The following TRPM3 variants were observed in gnomAD, a reference collection of about 807,000 sequenced individuals.
TRPM3 encodes the protein long transient receptor potential channel 3.
A neutral mutation model predicts 181.2 loss-of-function variants in TRPM3; 77 were observed. The observed-to-expected ratio is 0.42, with a 90% confidence interval of 0.35 to 0.51. The LOEUF (loss-of-function observed/expected upper bound fraction) is 0.51, where lower values mean the gene tolerates loss of function less well. Among genes scored for constraint, TRPM3 ranks in the 20% least tolerant of loss-of-function variants. TRPM3 has a pLI of 0.01. For synonymous variants in TRPM3, 745 were observed against 796.4 expected (o/e 0.94, Z 1.09); for missense variants, 1,759 against 2,196.7 (o/e 0.80, Z 3.98).
At chr9:71,028,184 T>C (rs2056821021) in intron 1 of TRPM3, among the ~76,000 whole-genome samples, 1 of 152,184 alleles carries the variant, frequency 6.6e-6, no homozygotes, top group South Asian at 2.1e-4. Context: ...GAAAAGAAAT[T>C]CCAACCAAGA....
intron 9 of TRPM3, among the ~76,000 whole-genome samples, chr9:70,640,985 A>G (rs1589674478): frequency 6.6e-6 from 1 of 152,304 alleles, no homozygotes; most frequent in African/African-American, 2.4e-5. Context: ...ATGCATGCAT[A>G]CAAGTTCATT....
At chr9:70,655,118 C>T (rs1236786753) in intron 9 of TRPM3, among the ~76,000 whole-genome samples, 3 of 149,758 alleles carry the variant, frequency 2.0e-5, no homozygotes, top group African/African-American at 7.3e-5. Flanking sequence ...CCAGCCTGAC[C>T]AACATGGTGA....
intron 1 of TRPM3, among the ~76,000 whole-genome samples, chr9:71,154,516 A>C (rs1487574508): frequency 6.6e-6 from 1 of 152,106 alleles, no homozygotes; most frequent in Non-Finnish European, 1.5e-5. Context: ...CAGCAGGTCA[A>C]AATATATTTG....
intron 1 of TRPM3, among the ~76,000 whole-genome samples, chr9:70,882,854 T>A (rs1017118847): frequency 5.9e-5 from 9 of 152,168 alleles, no homozygotes; most frequent in Admixed American, 2.6e-4. Flanking sequence ...TTGCAGGTCA[T>A]GGCAACTATT....
intron 1 of TRPM3, among the ~76,000 whole-genome samples, chr9:71,339,835 A>G (rs2090830440): frequency 6.6e-6 from 1 of 152,114 alleles, no homozygotes; most frequent in African/African-American, 2.4e-5. Flanking sequence ...ATGACTATGC[A>G]TTTGATAAAA....
chr9:71,307,981 T>C (rs1488474544), intron 1 of TRPM3, among the ~76,000 whole-genome samples: 1 of 151,608 alleles, frequency 6.6e-6, no homozygotes, highest in Non-Finnish European at 1.5e-5. Flanking sequence ...TTTCTTTTTT[T>C]TTTTTTGAGA....
chr9:70,548,326 C>G (rs1028825657), intron 25 of TRPM3, among the ~76,000 whole-genome samples: 1 of 152,184 alleles, frequency 6.6e-6, no homozygotes, highest in Non-Finnish European at 1.5e-5. Flanking sequence ...CTGTGCATGG[C>G]TTTAAACTTT....
At chr9:70,640,922 C>CT (rs1192608914) in intron 9 of TRPM3, among the ~76,000 whole-genome samples, 8 of 151,928 alleles carry the variant, frequency 5.3e-5, no homozygotes, top group African/African-American at 1.7e-4. Context: ...AAACTCCATG[C>CT]TTTTTTGATA....
chr9:70,640,136 C>A lies in TRPM3; in HGVS notation c.1446+424G>T, dbSNP rs145131083. On this transcript the variant is annotated intron_variant, in intron 10 of 25. Coordinates refer to ENST00000677713, the MANE Select transcript of TRPM3 (RefSeq NM_001366145.2). The stretch of plus-strand genomic sequence containing the variant: ...GTGCTCAGTCACCAGGACCAGATGG[C>A]GCCTGCAGAGGGAAGCCTGCTAATT... 9.7e-4 allele frequency among the ~76,000 whole-genome samples: 148 copies of A among 152,280 alleles called. 1 individual carries two copies. The highest frequency in any genetic ancestry group is 3.3e-3 in the African/African-American group (139 of 41,556).
intron 1 of TRPM3, among the ~76,000 whole-genome samples, chr9:70,952,801 C>A (rs1200593542): frequency 6.6e-6 from 1 of 151,884 alleles, no homozygotes; most frequent in East Asian, 1.9e-4. Context: ...TGCTGAAGGG[C>A]CTAATAATGC....
intron 1 of TRPM3, among the ~76,000 whole-genome samples, chr9:71,001,447 T>C (rs1037182144): frequency 2.0e-5 from 3 of 152,218 alleles, no homozygotes; most frequent in Admixed American, 6.5e-5. Context: ...GTGAACCTGA[T>C]AGTTCTGGTA....
chr9:71,306,803 G>T (rs1324810559), intron 1 of TRPM3, among the ~76,000 whole-genome samples: 5 of 152,206 alleles, frequency 3.3e-5, no homozygotes, highest in African/African-American at 1.2e-4. Context: ...GAACCTGGGG[G>T]TGGAGATTGC....
intron 1 of TRPM3, among the ~76,000 whole-genome samples, chr9:71,188,891 T>C (rs571738632): frequency 3.2e-3 from 482 of 152,082 alleles, no homozygotes; most frequent in African/African-American, 0.011. Context: ...ATAAGCACAG[T>C]GGCATATATA....
At chr9:71,028,000 C>T (rs74996430) in intron 1 of TRPM3, among the ~76,000 whole-genome samples, 150 of 152,118 alleles carry the variant, frequency 9.9e-4, no homozygotes, top group Admixed American at 3.3e-3. Context: ...GGATCATCCC[C>T]AAGACATAAT....
intron 1 of TRPM3, among the ~76,000 whole-genome samples, chr9:70,998,948 T>A (rs1011689883): frequency 6.6e-6 from 1 of 152,218 alleles, no homozygotes; most frequent in Admixed American, 6.5e-5. Flanking sequence ...CCCTCCTCTA[T>A]ACAAGGCACT....
At chr9:70,910,033 T>C (rs2096522369) in intron 1 of TRPM3, among the ~76,000 whole-genome samples, 1 of 152,202 alleles carries the variant, frequency 6.6e-6, no homozygotes, top group Non-Finnish European at 1.5e-5. Flanking sequence ...GTACATCCTA[T>C]AATCCAGCAA....
chr9:71,400,423 G>A (rs2093315368), intron 1 of TRPM3, among the ~76,000 whole-genome samples: 1 of 152,052 alleles, frequency 6.6e-6, no homozygotes, highest in Non-Finnish European at 1.5e-5. Context: ...TCTAGAGAGG[G>A]ATTTTTGTTA....
intron 5 of TRPM3, among the ~76,000 whole-genome samples, chr9:70,835,919 C>CATTG (rs2094290836): frequency 6.6e-6 from 1 of 152,070 alleles, no homozygotes; most frequent in Non-Finnish European, 1.5e-5. Context: ...AGTTATAGAA[C>CATTG]ATTGGGAAGA....
intron 1 of TRPM3, among the ~76,000 whole-genome samples, chr9:71,012,998 G>A (rs2097757858): frequency 6.6e-6 from 1 of 151,980 alleles, no homozygotes; most frequent in Admixed American, 6.5e-5. Context: ...CACTGATACT[G>A]GTATTTGGAG....
Sources: allele counts gnomAD v4.1 joint callset (sites outside exome capture counted in the v4.1 genomes callset), GRCh38; gene constraint gnomAD v4.1.1; transcripts MANE v1.5; gene names NCBI Gene and HGNC (gene_info 2026-07-23, HGNC 2026-07-21).